GMDS: variants seen among roughly 807,000 people sequenced by gnomAD.
GMDS encodes the protein GDP-mannose 4,6 dehydratase.
In GMDS, 20 loss-of-function variants were observed where a neutral mutation model predicts 49.9. The ratio of observed to expected loss-of-function variants is 0.40; its 90% CI spans 0.28 to 0.58. The LOEUF (loss-of-function observed/expected upper bound fraction) is 0.58. GMDS is among the 20% of genes least tolerant of loss of function. The probability of loss-of-function intolerance (pLI) is 0.42; values close to 1 mark genes in which losing one functional copy is unlikely to be tolerated. For missense variants in GMDS, 362 were observed against 481.4 expected, an observed-to-expected ratio of 0.75 and a Z score of 2.32; for synonymous variants, 177 against 178.6, an observed-to-expected ratio of 0.99 and a Z score of 0.07.
Position 1,677,865 on chromosome 6 carries a change from C to T in GMDS, c.987+48551G>A, listed in dbSNP as rs977154124. 4.2e-4 allele frequency among the ~76,000 whole-genome samples: 64 copies of T among 151,756 alleles called. 1 individual carries two copies. The highest frequency in any genetic ancestry group is 4.0e-3 in the Admixed American group (61 of 15,236). ...AATGTAAATGACGCGTTAATGGGTACAACACACCAACATGGCACATGTCTA... is the reference window on the plus strand; with the variant it reads ...AATGTAAATGACGCGTTAATGGGTATAACACACCAACATGGCACATGTCTA... On this transcript the variant is annotated intron_variant, in intron 9 of 10. Transcript: ENST00000380815.
At chr6:2,228,338 C>T (rs750781353) in intron 1 of GMDS, among the ~76,000 whole-genome samples, 1 of 152,214 alleles carries the variant, frequency 6.6e-6, no homozygotes, top group Non-Finnish European at 1.5e-5. Context: ...TTTCCTCCCC[C>T]ACCTTTATAA....
intron 4 of GMDS, among the ~76,000 whole-genome samples, chr6:2,108,278 G>A (rs1020065339): frequency 6.6e-6 from 1 of 152,078 alleles, no homozygotes; most frequent in Non-Finnish European, 1.5e-5. Flanking sequence ...TTCTAACAAC[G>A]TCTTCATTAA....
At chr6:1,861,134 G>T (rs1758163086) in intron 7 of GMDS, among the ~76,000 whole-genome samples, 1 of 152,206 alleles carries the variant, frequency 6.6e-6, no homozygotes, top group African/African-American at 2.4e-5. Context: ...CCAGATCACT[G>T]GAGGAGAGTT....
At chr6:1,952,137 A>C (rs1763371203) in intron 6 of GMDS, 5 of 261,742 alleles carry the variant, frequency 1.9e-5, no homozygotes, top group Admixed American at 6.5e-5. Flanking sequence ...TTGCTGAAAA[A>C]AGGGAGATGA....
chr6:1,650,994 C>A (rs530801011), intron 9 of GMDS, among the ~76,000 whole-genome samples: 1 of 152,234 alleles, frequency 6.6e-6, no homozygotes, highest in Non-Finnish European at 1.5e-5. Context: ...TACTCGGCAA[C>A]CCTGCCATGT....
At chr6:1,743,665 G>A (rs1371292667) in intron 7 of GMDS, among the ~76,000 whole-genome samples, 1 of 151,644 alleles carries the variant, frequency 6.6e-6, no homozygotes, top group Non-Finnish European at 1.5e-5. Flanking sequence ...GCGCAGCCCC[G>A]CTCCCCGTGG....
At chr6:1,723,330 T>G (rs1188795016) in intron 9 of GMDS, among the ~76,000 whole-genome samples, 5 of 7,170 alleles carry the variant, frequency 7.0e-4, no homozygotes, top group African/African-American at 3.2e-3. Flanking sequence ...CTTTATGGCA[T>G]TTTTTTTTTT....
intron 1 of GMDS, among the ~76,000 whole-genome samples, chr6:2,143,035 C>T (rs571584520): frequency 6.6e-6 from 1 of 152,322 alleles, no homozygotes; most frequent in South Asian, 2.1e-4. Flanking sequence ...CTGCATCAGA[C>T]CCCACTGTTT....
At chr6:2,121,390 C>G (rs907101524) in intron 2 of GMDS, among the ~76,000 whole-genome samples, 3 of 152,166 alleles carry the variant, frequency 2.0e-5, no homozygotes, top group Admixed American at 6.5e-5. Context: ...CCATTCTCCT[C>G]ATGCTCTCCT....
At chr6:2,023,205 A>C (rs770635629) in intron 4 of GMDS, among the ~76,000 whole-genome samples, 4 of 152,224 alleles carry the variant, frequency 2.6e-5, no homozygotes, top group Admixed American at 6.5e-5. Context: ...AAACACTAGT[A>C]ATTACCTAGA....
At chr6:2,056,101 C>A (rs1000491051) in intron 4 of GMDS, among the ~76,000 whole-genome samples, 1 of 152,100 alleles carries the variant, frequency 6.6e-6, no homozygotes, top group South Asian at 2.1e-4. Flanking sequence ...TGAACCAAAA[C>A]ATTCTACTGC....
At chr6:2,094,487 G>C (rs1313165641) in intron 4 of GMDS, among the ~76,000 whole-genome samples, 2 of 152,224 alleles carry the variant, frequency 1.3e-5, no homozygotes, top group Non-Finnish European at 2.9e-5. Context: ...TACAATTCTA[G>C]ACTGCTGAAA....
At chr6:1,710,178 C>T (rs1765894377) in intron 9 of GMDS, among the ~76,000 whole-genome samples, 1 of 152,206 alleles carries the variant, frequency 6.6e-6, no homozygotes, top group African/African-American at 2.4e-5. Context: ...GACTGTTTAC[C>T]TCCACTCTGC....
intron 4 of GMDS, among the ~76,000 whole-genome samples, chr6:1,967,210 C>T (rs1764312435): frequency 6.6e-6 from 1 of 152,164 alleles, no homozygotes; most frequent in African/African-American, 2.4e-5. Context: ...TTCACGTTAA[C>T]TTTAAACTTT....
chr6:2,188,727 T>G (rs1197742481), intron 1 of GMDS, among the ~76,000 whole-genome samples: 1 of 152,180 alleles, frequency 6.6e-6, no homozygotes. Context: ...AACAGAAGAC[T>G]GCGAGGCAGG....
At chr6:1,638,803 A>C (rs889701130) in intron 9 of GMDS, among the ~76,000 whole-genome samples, 1 of 152,142 alleles carries the variant, frequency 6.6e-6, no homozygotes, top group African/African-American at 2.4e-5. Flanking sequence ...AAACACAAAT[A>C]TTCCTTAGGG....
chr6:1,624,634 T>C (rs1362968246), intron 9 of GMDS, 94 bp from the exon 10 acceptor site: 12 of 839,602 alleles, frequency 1.4e-5, no homozygotes, highest in Non-Finnish European at 2.2e-5. Context: ...TTCCGCTCCC[T>C]CTGGGCGCAC....
intron 8 of GMDS, among the ~76,000 whole-genome samples, chr6:1,733,013 T>C (rs1766871599): frequency 6.6e-6 from 1 of 152,208 alleles, no homozygotes; most frequent in South Asian, 2.1e-4. Context: ...CACCCCAGCC[T>C]GAGCTCTGCC....
chr6:2,235,356 C>T (rs577407797), intron 1 of GMDS, among the ~76,000 whole-genome samples: 3 of 152,268 alleles, frequency 2.0e-5, no homozygotes, highest in African/African-American at 7.2e-5. Context: ...CTTCCCATGC[C>T]TATACATACA....
Sources: allele counts gnomAD v4.1 joint callset (sites outside exome capture counted in the v4.1 genomes callset), GRCh38; gene constraint gnomAD v4.1.1; transcripts MANE v1.5; gene names NCBI Gene and HGNC (gene_info 2026-07-23, HGNC 2026-07-21).